Variants in MCM9 observed in about 807,000 individuals in gnomAD.
MCM9 encodes the protein minichromosome maintenance 9 homologous recombination repair factor.
A neutral mutation model predicts 72.8 loss-of-function variants in MCM9; 55 were observed. The observed-to-expected ratio is 0.76, with a 90% CI of 0.61 to 0.95. The LOEUF is 0.95. MCM9 is among the 40% of genes least tolerant of loss of function. The probability of loss-of-function intolerance (pLI) is 0.00; values close to 1 mark genes in which losing one functional copy is unlikely to be tolerated. For missense variants in MCM9, 1,279 were observed against 1,377.0 expected (o/e 0.93, Z 1.13); for synonymous variants, 480 against 503.4 (o/e 0.95, Z 0.62).
intron 8 of MCM9, among the ~76,000 whole-genome samples, chr6:118,878,177 A>G (rs1366432961): frequency 6.6e-6 from 1 of 152,194 alleles, no homozygotes; most frequent in African/African-American, 2.4e-5. Flanking sequence ...AGAAAAACAA[A>G]AACAAGATAA....
At chr6:118,857,865 A>G (rs1272144941) in intron 8 of MCM9, among the ~76,000 whole-genome samples, 1 of 152,186 alleles carries the variant, frequency 6.6e-6, no homozygotes, top group Non-Finnish European at 1.5e-5. Context: ...TAAATATTTA[A>G]AAACCTTCCA....
At chr6:118,899,831 T>G (rs993072663) in intron 8 of MCM9, among the ~76,000 whole-genome samples, 3 of 152,188 alleles carry the variant, frequency 2.0e-5, no homozygotes, top group African/African-American at 7.2e-5. Context: ...GGAGTGCTTG[T>G]GTAACAGTGT....
intron 8 of MCM9, among the ~76,000 whole-genome samples, chr6:118,877,433 C>T (rs548096149): frequency 1.3e-5 from 2 of 152,226 alleles, no homozygotes; most frequent in African/African-American, 4.8e-5. Flanking sequence ...TCAATAAACA[C>T]ATGAAAAGGT....
intron 8 of MCM9, among the ~76,000 whole-genome samples, chr6:118,902,640 T>C (rs1360027871): frequency 6.6e-6 from 1 of 152,106 alleles, no homozygotes; most frequent in Non-Finnish European, 1.5e-5. Flanking sequence ...CCTAAGCTTT[T>C]GGCTGAAAGT....
At chr6:118,843,996 AGAT>A (rs922636225) in intron 9 of MCM9, among the ~76,000 whole-genome samples, 1 of 151,550 alleles carries the variant, frequency 6.6e-6, no homozygotes, top group Non-Finnish European at 1.5e-5. Flanking sequence ...CAGAATATCT[AGAT>A]GATGATGACT....
At chr6:118,826,726 TA>T in intron 12 of MCM9, 55 bp downstream of exon 12, 18 of 1,344,520 alleles carry the variant, frequency 1.3e-5, no homozygotes, top group Admixed American at 2.4e-5. Flanking sequence ...TGTCCTTTTT[TA>T]AAAAAAAGAA....
intron 8 of MCM9, chr6:118,893,938 C>CCTCCCCGCCGCAGCCACGA: frequency 1.1e-6 from 1 of 875,092 alleles, no homozygotes; most frequent in Non-Finnish European, 1.4e-6. Flanking sequence ...CGCAGCCACG[C>CCTCCCCGCCGCAGCCACGA]CTCCCCGCCG....
intron 8 of MCM9, among the ~76,000 whole-genome samples, chr6:118,897,591 T>A (rs1217443353): frequency 6.6e-6 from 1 of 152,118 alleles, no homozygotes; most frequent in East Asian, 1.9e-4. Flanking sequence ...TCTTCCCAAG[T>A]AGTGTAATTA....
At chr6:118,847,274 A>G (rs971897390) in intron 9 of MCM9, among the ~76,000 whole-genome samples, 1 of 151,640 alleles carries the variant, frequency 6.6e-6, no homozygotes, top group Admixed American at 6.6e-5. Flanking sequence ...AACAACAAAC[A>G]CTGAGGACTC....
At chr6:118,866,148 C>A (rs1260570803) in intron 8 of MCM9, among the ~76,000 whole-genome samples, 1 of 152,216 alleles carries the variant, frequency 6.6e-6, no homozygotes, top group Non-Finnish European at 1.5e-5. Context: ...CAACCCTAAA[C>A]AGAGACAACA....
intron 9 of MCM9, among the ~76,000 whole-genome samples, chr6:118,833,190 G>A (rs1774708992): frequency 6.6e-6 from 1 of 152,046 alleles, no homozygotes; most frequent in Non-Finnish European, 1.5e-5. Flanking sequence ...ACACGAACAA[G>A]AAAAACTTCC....
intron 13 of MCM9, among the ~76,000 whole-genome samples, chr6:118,817,464 G>A (rs1773483991): frequency 6.6e-6 from 1 of 152,144 alleles, no homozygotes; most frequent in Non-Finnish European, 1.5e-5. Flanking sequence ...CAAAGGATAT[G>A]AACTCATCCT....
Position 118,857,661 on chromosome 6 carries a change from AGTTACAAATATCAGGAATG to A in MCM9, c.1151-1135_1151-1117del, listed in dbSNP as rs1442765821. 2.1e-3 allele frequency among the ~76,000 whole-genome samples: 324 copies of A among 151,004 alleles called. 1 individual carries two copies. The highest frequency in any genetic ancestry group is 7.6e-3 in the African/African-American group (315 of 41,190). On this transcript the variant is annotated intron_variant, in intron 8 of 13. Coordinates refer to ENST00000619706, the MANE Select transcript of MCM9 (RefSeq NM_017696.3). Reference sequence around the variant, plus strand: ...AAAAAAAAAAAAAAGAGGAGACACAAGTTACAAATATCAGGAATGAAAGAGGGGGCATAACTATAGATCC... The same window carrying A: ...AAAAAAAAAAAAAAGAGGAGACACAAAAAGAGGGGGCATAACTATAGATCC...
chr6:118,840,692 A>C (rs1461200894), intron 9 of MCM9, among the ~76,000 whole-genome samples: 1 of 151,172 alleles, frequency 6.6e-6, no homozygotes, highest in Non-Finnish European at 1.5e-5. Flanking sequence ...CATTATATAT[A>C]TTTGGTAACC....
In MCM9 at chr6:118,917,358, T is replaced by C. The variant is rs552531871; in HGVS notation, c.904+203A>G. 4.6e-5 allele frequency among the ~76,000 whole-genome samples: 7 copies of C among 152,236 alleles called. No individual in the cohort carries two copies. The South Asian group carries it at 1.5e-3, about 32-fold the overall frequency. On this transcript the variant is annotated intron_variant, in intron 6 of 13. Coordinates refer to ENST00000619706, the MANE Select transcript of MCM9 (RefSeq NM_017696.3). Reference sequence around the variant, plus strand: ...TAAAATAATAGTTAGAAATGAAATATCTCCAGGCAGGTTGCTAAATAGAAG... The same window carrying C: ...TAAAATAATAGTTAGAAATGAAATACCTCCAGGCAGGTTGCTAAATAGAAG...
At chr6:118,909,871 C>T (rs974086322) in intron 8 of MCM9, among the ~76,000 whole-genome samples, 3 of 152,138 alleles carry the variant, frequency 2.0e-5, no homozygotes, top group Non-Finnish European at 4.4e-5. Flanking sequence ...AATCCCAGCA[C>T]TTGGGGAGGC....
At chr6:118,910,247 G>A (rs931845042) in intron 8 of MCM9, among the ~76,000 whole-genome samples, 1 of 151,404 alleles carries the variant, frequency 6.6e-6, no homozygotes, top group African/African-American at 2.4e-5. Flanking sequence ...TACTTTGAAA[G>A]TGCTGGTTTT....
intron 8 of MCM9, among the ~76,000 whole-genome samples, chr6:118,858,404 C>G (rs1776700698): frequency 6.6e-6 from 1 of 152,068 alleles, no homozygotes. Flanking sequence ...ATTTAACATA[C>G]TTAGTGATAA....
chr6:118,847,507 G>A (rs988135693), intron 9 of MCM9, among the ~76,000 whole-genome samples: 2 of 150,604 alleles, frequency 1.3e-5, no homozygotes, highest in African/African-American at 2.5e-5. Context: ...AATAAAGGGT[G>A]CTAAGGAGAG....
Sources: allele counts gnomAD v4.1 joint callset (sites outside exome capture counted in the v4.1 genomes callset), GRCh38; gene constraint gnomAD v4.1.1; transcripts MANE v1.5; gene names NCBI Gene and HGNC (gene_info 2026-07-23, HGNC 2026-07-21).